Variants in SCHIP1 observed in about 807,000 individuals in gnomAD.
The protein encoded by SCHIP1 is schwannomin-interacting protein 1.
SCHIP1 carries 8 observed loss-of-function variants against 29.7 expected under a neutral mutation model. The ratio of observed to expected loss-of-function variants is 0.27; its 90% CI spans 0.16 to 0.49. The LOEUF is 0.49. Ranked by LOEUF, SCHIP1 falls within the 20% of genes least tolerant of loss-of-function variation. SCHIP1 has a pLI of 0.99. For synonymous variants in SCHIP1, 76 were observed against 94.9 expected, an observed-to-expected ratio of 0.80 and a Z score of 1.16; for missense variants, 193 against 294.6, an observed-to-expected ratio of 0.66 and a Z score of 2.52.
chr3:159,813,278 G>A, the SCHIP1 span, among the ~76,000 whole-genome samples: 2 of 152,090 alleles, frequency 1.3e-5, no homozygotes, highest in African/African-American at 4.8e-5. Flanking sequence ...CAGTAACACT[G>A]GAGCTTGGGT....
upstream of SCHIP1, among the ~76,000 whole-genome samples, chr3:159,839,628 CTTTTTTTTTTTTT>C (rs3068349): frequency 8.4e-5 from 6 of 71,712 alleles, no homozygotes; most frequent in East Asian, 4.6e-4. Context: ...AGGTCTTTTT[CTTTTTTTTTTTTT>C]TTTTTTTTTT....
chr3:159,534,709 A>T, the SCHIP1 span, among the ~76,000 whole-genome samples: 1 of 152,192 alleles, frequency 6.6e-6, no homozygotes, highest in African/African-American at 2.4e-5. Context: ...ACGTGGTTTC[A>T]CTGTAAGCCA....
chr3:159,457,742 CTA>C, the SCHIP1 span, among the ~76,000 whole-genome samples: 1 of 152,060 alleles, frequency 6.6e-6, no homozygotes, highest in Non-Finnish European at 1.5e-5. Context: ...CCCGTATATA[CTA>C]TGTTATTTCA....
intron 2 of SCHIP1, among the ~76,000 whole-genome samples, chr3:159,867,169 A>C (rs911352326): frequency 1.3e-5 from 2 of 152,228 alleles, no homozygotes; most frequent in Non-Finnish European, 2.9e-5. Context: ...ACTGATCAGC[A>C]TTCTCATGGT....
chr3:159,721,829 T>C, the SCHIP1 span: 1 of 393,708 alleles, frequency 2.5e-6, no homozygotes, highest in Non-Finnish European at 5.0e-6. Context: ...TATTATTTTT[T>C]ATTTTAGCAT....
At chr3:159,506,681 A>T in the SCHIP1 span, among the ~76,000 whole-genome samples, 1 of 152,224 alleles carries the variant, frequency 6.6e-6, no homozygotes, top group African/African-American at 2.4e-5. Flanking sequence ...AGCTTTCTAC[A>T]TATGGCTAGC....
chr3:159,365,931 A>C, the SCHIP1 span, among the ~76,000 whole-genome samples: 2 of 152,312 alleles, frequency 1.3e-5, no homozygotes, highest in East Asian at 3.9e-4. Flanking sequence ...TTGGGTTCCC[A>C]ACAACCACTT....
At chr3:159,331,362 A>G in the SCHIP1 span, among the ~76,000 whole-genome samples, 1 of 152,170 alleles carries the variant, frequency 6.6e-6, no homozygotes, top group African/African-American at 2.4e-5. Context: ...TTTCCTTCGG[A>G]TGTCCCTCCC....
At chr3:159,844,525 A>C (rs1365988345) in intron 1 of SCHIP1, among the ~76,000 whole-genome samples, 1 of 152,236 alleles carries the variant, frequency 6.6e-6, no homozygotes, top group African/African-American at 2.4e-5. Flanking sequence ...TAGCCCTGTT[A>C]AAAGATAGAG....
chr3:159,696,006 C>G, the SCHIP1 span, among the ~76,000 whole-genome samples: 1 of 152,144 alleles, frequency 6.6e-6, no homozygotes, highest in South Asian at 2.1e-4. Context: ...GTAGTCAAAC[C>G]TATCAACACC....
At chr3:159,581,909 G>T in the SCHIP1 span, among the ~76,000 whole-genome samples, 2 of 152,194 alleles carry the variant, frequency 1.3e-5, no homozygotes, top group African/African-American at 2.4e-5. Context: ...TTTTTATGAA[G>T]CTGTGTCTAT....
At chr3:159,695,084 C>T in the SCHIP1 span, among the ~76,000 whole-genome samples, 3 of 152,184 alleles carry the variant, frequency 2.0e-5, no homozygotes, top group Non-Finnish European at 4.4e-5. Context: ...ATTTGGTGTT[C>T]ATTTATTAAT....
chr3:159,399,703 G>A, the SCHIP1 span, among the ~76,000 whole-genome samples: 1 of 152,230 alleles, frequency 6.6e-6, no homozygotes, highest in East Asian at 1.9e-4. Context: ...TAGAGATAGG[G>A]TCTTGCTCTG....
the SCHIP1 span, among the ~76,000 whole-genome samples, chr3:159,414,711 G>A: frequency 2.0e-5 from 3 of 152,136 alleles, no homozygotes; most frequent in South Asian, 2.1e-4. Flanking sequence ...ACCAGGGACC[G>A]GTTTTATGGA....
chr3:159,717,579 C>T, the SCHIP1 span, among the ~76,000 whole-genome samples: 3 of 152,090 alleles, frequency 2.0e-5, no homozygotes, highest in African/African-American at 7.2e-5. Context: ...ATACAAACTA[C>T]CATCAGAGAA....
chr3:159,592,914 T>C, the SCHIP1 span, among the ~76,000 whole-genome samples: 2 of 152,232 alleles, frequency 1.3e-5, no homozygotes, highest in South Asian at 4.1e-4. Context: ...TGCCTAACCT[T>C]ATAAAAATAA....
chr3:159,466,327 G>GA, the SCHIP1 span, among the ~76,000 whole-genome samples: 2 of 151,502 alleles, frequency 1.3e-5, no homozygotes, highest in Non-Finnish European at 1.5e-5. Flanking sequence ...AAGAAAGAAA[G>GA]AAAAAAAAGA....
chr3:159,506,248 T>G, the SCHIP1 span, among the ~76,000 whole-genome samples: 1 of 152,230 alleles, frequency 6.6e-6, no homozygotes, highest in Non-Finnish European at 1.5e-5. Flanking sequence ...TCATGTGTCT[T>G]TTGGCTGCAT....
chr3:159,395,383 G>A, the SCHIP1 span, among the ~76,000 whole-genome samples: 3 of 152,064 alleles, frequency 2.0e-5, no homozygotes, highest in Admixed American at 1.3e-4. Context: ...GTTTCCTCTT[G>A]CTTTTCTAGT....
Sources: gnomAD v4.1 joint callset for allele counts (sites outside exome capture counted in the v4.1 genomes callset) on GRCh38, gnomAD v4.1.1 for gene constraint, MANE v1.5 for transcripts, NCBI Gene and HGNC (gene_info 2026-07-23, HGNC 2026-07-21) for gene names.